The following CFAP61 variants were observed in gnomAD, a reference collection of about 807,000 sequenced individuals.
CFAP61 encodes the protein cilia- and flagella-associated protein 61.
In CFAP61, 107 loss-of-function variants were observed where a neutral mutation model predicts 135.6. The ratio of observed to expected loss-of-function variants is 0.79; its 90% CI spans 0.67 to 0.93. CFAP61 has a LOEUF of 0.93. CFAP61 is among the 40% of genes least tolerant of loss of function. CFAP61 has a pLI of 0.00. For synonymous variants in CFAP61, 575 were observed against 578.5 expected, an observed-to-expected ratio of 0.99 and a Z score of 0.09; for missense variants, 1,507 against 1,556.2, an observed-to-expected ratio of 0.97 and a Z score of 0.53.
intron 17 of CFAP61, chr20:20,225,560 C>T (rs1289028759): frequency 1.3e-5 from 2 of 152,156 alleles, no homozygotes; most frequent in African/African-American, 4.8e-5. Flanking sequence ...GCCTTTGTAT[C>T]ACGGATAGAG....
chr20:20,129,196 G>A (rs1409692365), intron 8 of CFAP61, among the ~76,000 whole-genome samples: 1 of 151,498 alleles, frequency 6.6e-6, no homozygotes, highest in Non-Finnish European at 1.5e-5. Flanking sequence ...ACAAATCATT[G>A]GTTTCATTTT....
intron 7 of CFAP61, among the ~76,000 whole-genome samples, chr20:20,092,685 T>TAA (rs34205914): frequency 0.03 from 4,620 of 151,732 alleles, 238 homozygotes; most frequent in African/African-American, 0.1. Flanking sequence ...TAGACACTTT[T>TAA]AAAAAAAATG....
chr20:20,275,785 C>T (rs2053709307), intron 21 of CFAP61, among the ~76,000 whole-genome samples: 1 of 152,216 alleles, frequency 6.6e-6, no homozygotes, highest in African/African-American at 2.4e-5. Context: ...TTTGCCTTTC[C>T]TTGCAGGCTG....
At chr20:20,080,190 G>T (rs1051025337) in intron 6 of CFAP61, among the ~76,000 whole-genome samples, 5 of 152,004 alleles carry the variant, frequency 3.3e-5, no homozygotes, top group Non-Finnish European at 7.4e-5. Flanking sequence ...TTCTGTGTAT[G>T]TAACTATACA....
At chr20:20,122,401 C>T (rs910813168) in intron 8 of CFAP61, among the ~76,000 whole-genome samples, 26 of 152,066 alleles carry the variant, frequency 1.7e-4, no homozygotes, top group African/African-American at 9.7e-5. Flanking sequence ...GTGATCTTCC[C>T]GCCTCAGCCT....
intron 13 of CFAP61, among the ~76,000 whole-genome samples, chr20:20,181,311 G>T (rs2055082501): frequency 9.7e-6 from 1 of 102,964 alleles, no homozygotes; most frequent in Non-Finnish European, 2.2e-5. Context: ...ATAACCTTGT[G>T]TCTAAAACAA....
rs113325452 is a variant in CFAP61 at position 20,288,668 on chromosome 20, T to C, written c.2856T>C (p.Asp952=). ...VDYETFKALN[D]ACLVYDSRLV... ...ATGAAACGTTTAAAGCCCTCAATGATGCATGTCTTGTGTATGACAGTCGAC... is the reference window on the plus strand; with the variant it reads ...ATGAAACGTTTAAAGCCCTCAATGACGCATGTCTTGTGTATGACAGTCGAC... Residue 952 remains aspartate (D), a synonymous_variant, in exon 23 of 27, where the codon GAT becomes GAC. Transcript: ENST00000245957. 2.4e-4 allele frequency: 385 copies of C among 1,614,162 alleles called. 1 individual carries two copies. In the African/African-American group the frequency reaches 4.6e-3, roughly 19 times the overall value.
chr20:20,107,393 A>G (rs2048485518), intron 8 of CFAP61, among the ~76,000 whole-genome samples: 1 of 152,166 alleles, frequency 6.6e-6, no homozygotes, highest in Non-Finnish European at 1.5e-5. Flanking sequence ...GACCTGGTAG[A>G]GGCATCTTGG....
chr20:20,082,755 A>G (rs1397238356), intron 6 of CFAP61, among the ~76,000 whole-genome samples: 5 of 152,178 alleles, frequency 3.3e-5, no homozygotes, highest in Non-Finnish European at 5.9e-5. Flanking sequence ...AAAATCTCTA[A>G]TCATCAGGGA....
chr20:20,305,119 C>T (rs1336814873), intron 25 of CFAP61, among the ~76,000 whole-genome samples: 1 of 150,746 alleles, frequency 6.6e-6, no homozygotes, highest in African/African-American at 2.4e-5. Context: ...CCCGCGCCAC[C>T]ACCGCCTCCA....
chr20:20,317,708 A>G (rs2057218687), intron 25 of CFAP61, among the ~76,000 whole-genome samples: 1 of 152,132 alleles, frequency 6.6e-6, no homozygotes, highest in South Asian at 2.1e-4. Flanking sequence ...ACTGTCTGCC[A>G]GGCCAGGATA....
chr20:20,105,425 C>G (rs542036027), intron 8 of CFAP61, among the ~76,000 whole-genome samples: 28 of 152,190 alleles, frequency 1.8e-4, no homozygotes, highest in Admixed American at 7.2e-4. Context: ...TTGCCATTTT[C>G]TCATTGTGAT....
chr20:20,121,526 G>T (rs1463394871), intron 8 of CFAP61, among the ~76,000 whole-genome samples: 3 of 150,274 alleles, frequency 2.0e-5, no homozygotes, highest in African/African-American at 7.3e-5. Context: ...ACAGGGTCTT[G>T]CTCTGTCACT....
At chr20:20,209,035 C>T (rs974596217) in intron 17 of CFAP61, among the ~76,000 whole-genome samples, 1 of 152,178 alleles carries the variant, frequency 6.6e-6, no homozygotes, top group Admixed American at 6.5e-5. Context: ...CCTTTCATGT[C>T]TTCATTATAA....
rs765851007 is a variant in CFAP61 at position 20,098,663 on chromosome 20, C to A, written c.708C>A (p.Gly236=). 1 of 1,586,738 alleles carries A rather than the reference C, an allele frequency of 6.3e-7. No individual in the cohort carries two copies. The highest frequency in any genetic ancestry group is 2.3e-5 in the East Asian group (1 of 44,028). The change falls in exon 8 of 27, where the codon GGC becomes GGA. Residue 236 remains glycine (G), a synonymous_variant. Coordinates refer to ENST00000245957, the MANE Select transcript of CFAP61 (RefSeq NM_015585.4). ...TGTTTTGGATATTTCAGGTGGAAGG[C>A]ACAGCTGTTGGGTTCATGAGTGTGT... ...ENHAVVCEVE[G]TAVGFMSVCS... is the part of the protein sequence containing the mutation.
chr20:20,290,134 C>T (rs2054892994), intron 23 of CFAP61, among the ~76,000 whole-genome samples, 166 bp from the exon 24 acceptor site: 1 of 152,220 alleles, frequency 6.6e-6, no homozygotes, highest in Non-Finnish European at 1.5e-5. Flanking sequence ...GTTAAATAAA[C>T]GTCAACCACC....
At chr20:20,171,453 T>C (rs991331080) in intron 13 of CFAP61, among the ~76,000 whole-genome samples, 3 of 152,218 alleles carry the variant, frequency 2.0e-5, no homozygotes, top group Non-Finnish European at 2.9e-5. Context: ...TACATCTTTA[T>C]TCCACTAACC....
Position 20,269,154 on chromosome 20 carries a change from C to T in CFAP61, c.2503+6024C>T, listed in dbSNP as rs1204880947. 6.6e-4 allele frequency among the ~76,000 whole-genome samples: 62 copies of T among 94,370 alleles called. 1 individual carries two copies. Among genetic ancestry groups the T allele is most frequent in the Middle Eastern group, 0.013 (2 of 152 alleles). 61.9% of individuals were successfully genotyped at this position (94,370 alleles called of 152,430 possible). A position where few individuals can be genotyped will look rare whatever the true frequency, so the allele number is the denominator to read the frequency against. ...ATATATATATATATATATACACACA[C>T]ACACACACACATACATATATGTATA... On this transcript the variant is annotated intron_variant, in intron 21 of 26. Transcript: ENST00000245957.
At chr20:20,337,374 A>G (rs1406235970) in intron 25 of CFAP61, among the ~76,000 whole-genome samples, 136 of 43,254 alleles carry the variant, frequency 3.1e-3, no homozygotes, top group South Asian at 6.8e-3. Context: ...GGATGGATGG[A>G]TGGATGGATG....
Sources: allele counts gnomAD v4.1 joint callset (sites outside exome capture counted in the v4.1 genomes callset), GRCh38; gene constraint gnomAD v4.1.1; transcripts MANE v1.5; gene names NCBI Gene and HGNC (gene_info 2026-07-23, HGNC 2026-07-21).